Variants in ACTR3B observed in about 807,000 individuals in gnomAD.
ACTR3B encodes the protein actin related protein 3B.
In ACTR3B, 8 loss-of-function variants were observed where a neutral mutation model predicts 59.0. That is an observed-to-expected ratio of 0.14 (90% CI 0.08 to 0.24). ACTR3B has a LOEUF of 0.24. Among genes scored for constraint, ACTR3B ranks in the 10% least tolerant of loss-of-function variants. The probability of loss-of-function intolerance (pLI) is 1.00; values close to 1 mark genes in which losing one functional copy is unlikely to be tolerated. For missense variants in ACTR3B, 245 were observed against 552.3 expected (o/e 0.44, Z 5.58); for synonymous variants, 148 against 197.9 (o/e 0.75, Z 2.12).
chr7:152,795,036 C>CT (rs1181143284), intron 2 of ACTR3B, among the ~76,000 whole-genome samples: 1,528 of 137,748 alleles, frequency 0.011, 26 homozygotes, highest in African/African-American at 0.037. Context: ...GTTTCACTCT[C>CT]TTTTTTTTTT....
At chr7:152,800,487 A>G in intron 2 of ACTR3B, 44 bp from the exon 3 acceptor site, 2 of 1,604,134 alleles carry the variant, frequency 1.2e-6, no homozygotes, top group Non-Finnish European at 1.7e-6. Flanking sequence ...ATTTAAATAG[A>G]TATGGATAGT....
chr7:152,775,513 A>G (rs1374835672), intron 1 of ACTR3B, among the ~76,000 whole-genome samples: 2 of 152,130 alleles, frequency 1.3e-5, no homozygotes, highest in Non-Finnish European at 2.9e-5. Context: ...TAATCCCAGC[A>G]CTTTGGGAGG....
intron 1 of ACTR3B, among the ~76,000 whole-genome samples, chr7:152,762,035 G>A (rs2098090943): frequency 6.6e-6 from 1 of 152,078 alleles, no homozygotes; most frequent in Non-Finnish European, 1.5e-5. Context: ...GCCTTTTTTT[G>A]TAGTACTAAA....
intron 9 of ACTR3B, among the ~76,000 whole-genome samples, chr7:152,828,647 C>T (rs1445873384): frequency 7.2e-5 from 11 of 152,200 alleles, no homozygotes; most frequent in South Asian, 2.1e-4. Flanking sequence ...TCTGGACGGC[C>T]GCTCATTCCT....
chr7:152,815,310 C>T (rs2689615), intron 5 of ACTR3B, among the ~76,000 whole-genome samples: 4,478 of 152,240 alleles, frequency 0.029, 97 homozygotes, highest in Middle Eastern at 0.099. Context: ...TGATTCACAG[C>T]GCCTATCAGC....
At chr7:152,780,162 C>G (rs945989563) in intron 1 of ACTR3B, among the ~76,000 whole-genome samples, 6 of 152,088 alleles carry the variant, frequency 3.9e-5, no homozygotes, top group African/African-American at 1.2e-4. Flanking sequence ...ACCAGCTTGG[C>G]CAACATGGTG....
intron 1 of ACTR3B, among the ~76,000 whole-genome samples, chr7:152,778,963 A>C: frequency 3.2e-5 from 4 of 123,468 alleles, no homozygotes; most frequent in Non-Finnish European, 7.0e-5. Context: ...AAAAAAAAAA[A>C]AAAAAAAAAA....
At chr7:152,835,853 G>A (rs1210999633) in intron 9 of ACTR3B, among the ~76,000 whole-genome samples, 1 of 151,962 alleles carries the variant, frequency 6.6e-6, no homozygotes, top group African/African-American at 2.4e-5. Flanking sequence ...TCTCAAGAGG[G>A]CGACCATTTT....
At position 152,824,970 on chromosome 7, in the gene ACTR3B, G is replaced by A; in HGVS notation, c.859-60G>A. 5 of 1,536,356 alleles carry A rather than the reference G, an allele frequency of 3.3e-6. No homozygotes were observed. The highest frequency in any genetic ancestry group is 3.6e-6 in the Non-Finnish European group (4 of 1,122,254). ...TGTTAAAGTTACTTTAAAGAAGTGT[G>A]CATGTTGTTCTATTTGAGAGAAATG... On this transcript the variant is annotated intron_variant, in intron 8 of 11. Coordinates refer to ENST00000256001, the MANE Select transcript of ACTR3B (RefSeq NM_020445.6). The surrounding 1 kb of genome is among the most constrained non-coding windows in gnomAD (Gnocchi z 4.2).
chr7:152,813,518 A>AT (rs1426565278), intron 4 of ACTR3B: 2 of 131,850 alleles, frequency 1.5e-5, no homozygotes, highest in Non-Finnish European at 3.4e-5. Flanking sequence ...TTGTTTCAAT[A>AT]TTTTTCCAGA....
intron 9 of ACTR3B, among the ~76,000 whole-genome samples, chr7:152,847,787 G>T (rs1798471084): frequency 6.6e-6 from 1 of 152,180 alleles, no homozygotes; most frequent in Non-Finnish European, 1.5e-5. Context: ...AGGCCAGTGG[G>T]TTTTCCGAAG....
intron 2 of ACTR3B, among the ~76,000 whole-genome samples, chr7:152,794,835 C>G (rs995214031): frequency 1.3e-5 from 2 of 152,214 alleles, no homozygotes; most frequent in African/African-American, 4.8e-5. Flanking sequence ...TTCCACTTCA[C>G]TCGTGCTTTC....
chr7:152,823,661 C>T (rs1232662700), intron 8 of ACTR3B, 146 bp downstream of exon 8: 1 of 1,065,148 alleles, frequency 9.4e-7, no homozygotes, highest in Non-Finnish European at 1.4e-6. Flanking sequence ...AGTTTGTCTG[C>T]TTGACAGATT....
At chr7:152,823,191 G>A in intron 7 of ACTR3B, 151 bp from the exon 8 acceptor site, 3 of 1,033,566 alleles carry the variant, frequency 2.9e-6, no homozygotes, top group East Asian at 2.6e-5. Flanking sequence ...ACGATGGAAT[G>A]TGAGGCTTGA....
At chr7:152,768,084 G>A (rs1483061439) in intron 1 of ACTR3B, among the ~76,000 whole-genome samples, 14 of 152,216 alleles carry the variant, frequency 9.2e-5, no homozygotes, top group African/African-American at 2.9e-4. Flanking sequence ...TTAGCTGGGC[G>A]TGGTGGCACA....
chr7:152,807,316 C>T (rs1162429723), intron 4 of ACTR3B, among the ~76,000 whole-genome samples: 1 of 151,894 alleles, frequency 6.6e-6, no homozygotes, highest in African/African-American at 2.4e-5. Context: ...TCTTTTTACC[C>T]ATTTTTAAAA....
chr7:152,834,086 T>C (rs1797244177), intron 9 of ACTR3B, among the ~76,000 whole-genome samples: 1 of 150,410 alleles, frequency 6.6e-6, no homozygotes, highest in African/African-American at 2.5e-5. Context: ...TTAGAAAATT[T>C]GAGATTTTCT....
intron 9 of ACTR3B, among the ~76,000 whole-genome samples, chr7:152,834,955 C>G (rs1297952415): frequency 6.6e-6 from 1 of 152,108 alleles, no homozygotes; most frequent in Non-Finnish European, 1.5e-5. Flanking sequence ...CAGAAAGTGT[C>G]CAGAAGACTG....
chr7:152,808,596 A>G (rs1590323102), intron 4 of ACTR3B, among the ~76,000 whole-genome samples: 1 of 152,208 alleles, frequency 6.6e-6, no homozygotes, highest in East Asian at 1.9e-4. Flanking sequence ...GCTGGGAGGC[A>G]AGAAACCTTC....
Sources: allele counts gnomAD v4.1 joint callset (sites outside exome capture counted in the v4.1 genomes callset), GRCh38; gene constraint gnomAD v4.1.1; non-coding constraint Gnocchi (gnomAD v3.1); transcripts MANE v1.5; gene names NCBI Gene and HGNC (gene_info 2026-07-23, HGNC 2026-07-21).